Variants in DYNLT2 observed in about 807,000 individuals in gnomAD.
The protein encoded by DYNLT2 is dynein light chain Tctex-type protein 2.
DYNLT2 carries 24 observed loss-of-function variants against 24.3 expected under a neutral mutation model. The observed-to-expected ratio is 0.99, with a 90% CI of 0.71 to 1.39. DYNLT2 has a LOEUF of 1.39. DYNLT2 is among the 40% of genes most tolerant of loss of function. The pLI, the probability that DYNLT2 is intolerant of heterozygous loss-of-function variation, is 0.00. For missense variants in DYNLT2, 246 were observed against 234.5 expected (o/e 1.05, Z -0.32); for synonymous variants, 85 against 85.4 (o/e 1.00, Z 0.03).
intron 2 of DYNLT2, 57 bp downstream of exon 2, chr6:169,744,011 C>G (rs944405188): frequency 6.6e-7 from 1 of 1,507,774 alleles, no homozygotes; most frequent in African/African-American, 1.4e-5. Context: ...TATATAATTT[C>G]TGTTTCTCTG....
chr6:169,743,353 T>A (rs1396677619), intron 2 of DYNLT2, 115 bp from the exon 3 acceptor site: 1 of 437,896 alleles, frequency 2.3e-6, no homozygotes, highest in Non-Finnish European at 3.6e-6. Context: ...AAAATAAATA[T>A]ATTCCTAACT....
chr6:169,751,303 T>G (rs1790042617), intron 1 of DYNLT2, 36 bp downstream of exon 1: 1 of 1,601,704 alleles, frequency 6.2e-7, no homozygotes, highest in Non-Finnish European at 8.5e-7. Context: ...CGGTCGGACA[T>G]AGCCGTCTCG....
chr6:169,728,982 C>G, the DYNLT2 span, among the ~76,000 whole-genome samples: 1 of 152,200 alleles, frequency 6.6e-6, no homozygotes, highest in Admixed American at 6.5e-5. Context: ...ACTTTAATCT[C>G]TTAACATTAA....
chr6:169,742,654 A>G (rs1054386312), intron 3 of DYNLT2, among the ~76,000 whole-genome samples: 2 of 152,066 alleles, frequency 1.3e-5, no homozygotes, highest in Non-Finnish European at 2.9e-5. Flanking sequence ...GCTGGAGTGC[A>G]GTGGAGCGAA....
chr6:169,727,712 C>T, the DYNLT2 span, among the ~76,000 whole-genome samples: 6 of 151,876 alleles, frequency 4.0e-5, no homozygotes, highest in Non-Finnish European at 5.9e-5. Context: ...TACAGGTGCC[C>T]GCTACCACAC....
chr6:169,751,339 T>A lies in DYNLT2; in HGVS notation c.120A>T (p.Ala40=). 1 of 1,613,764 alleles carries A rather than the reference T, an allele frequency of 6.2e-7. No homozygotes were observed. The highest frequency in any genetic ancestry group is 8.5e-7 in the Non-Finnish European group (1 of 1,179,874). ...GGCCCCTAGCAGTCTCCGCACTCAC[T>A]GCCTCCTTCTCGAACATGCTAGGCC... The part of the protein sequence containing the change: ...ERRPSMFEKE[A]YTQILRERLR... The change falls in exon 1 of 4, where the codon GCA becomes GCT. Residue 40 remains alanine, a splice_region_variant and synonymous_variant. Coordinates refer to ENST00000366774, the MANE Select transcript of DYNLT2 (RefSeq NM_174910.3).
chr6:169,730,050 ATAAAGT>A, the DYNLT2 span, among the ~76,000 whole-genome samples: 2 of 152,268 alleles, frequency 1.3e-5, no homozygotes, highest in Non-Finnish European at 2.9e-5. Context: ...AATTCCTCAC[ATAAAGT>A]TAATATGCAA....
Position 169,751,402 on chromosome 6 carries a change from G to T in DYNLT2, c.57C>A (p.Thr19=). Residue 19 remains threonine (T), a synonymous_variant, in exon 1 of 4, where the codon ACC becomes ACA. Transcript: ENST00000366774. ...TAGGCGTCACCGGAGCCTGCTGAGG[G>T]GTCTGGTTCGGGGTCTGGATGGGGC... ...KSSPIQTPNQ[T]PQQAPVTPRK... 2 of 1,614,136 alleles carry T rather than the reference G, an allele frequency of 1.2e-6. No homozygotes were observed. The highest frequency in any genetic ancestry group is 1.7e-6 in the Non-Finnish European group (2 of 1,180,016).
At chr6:169,751,205 A>T (rs559322940) in intron 1 of DYNLT2, 134 bp downstream of exon 1, 1 of 1,387,660 alleles carries the variant, frequency 7.2e-7, no homozygotes, top group East Asian at 2.4e-5. Context: ...CATCTGGGGA[A>T]AAAAGAAACA....
At chr6:169,726,551 A>C in the DYNLT2 span, among the ~76,000 whole-genome samples, 1 of 152,226 alleles carries the variant, frequency 6.6e-6, no homozygotes, top group Non-Finnish European at 1.5e-5. Flanking sequence ...CTAGGAGTTA[A>C]GGATGAAATA....
downstream of DYNLT2, chr6:169,738,907 A>C (rs1469980489): frequency 6.6e-6 from 1 of 152,192 alleles, no homozygotes; most frequent in African/African-American, 2.4e-5. Context: ...CTCCATTTGG[A>C]TCTATTCAGG....
the DYNLT2 span, among the ~76,000 whole-genome samples, chr6:169,734,046 G>A: frequency 2.6e-5 from 4 of 152,080 alleles, no homozygotes; most frequent in Non-Finnish European, 4.4e-5. Flanking sequence ...TTTGTAGTGA[G>A]TGTGAATGGG....
chr6:169,740,854 G>A (rs1789663333), intron 3 of DYNLT2, among the ~76,000 whole-genome samples: 1 of 150,602 alleles, frequency 6.6e-6, no homozygotes, highest in Admixed American at 6.6e-5. Context: ...TATTTCCCAG[G>A]CTAGAGTGTA....
chr6:169,725,791 T>G, the DYNLT2 span: 1 of 152,826 alleles, frequency 6.5e-6, no homozygotes, highest in Admixed American at 6.5e-5. Flanking sequence ...TTGCCTGATA[T>G]AAAGAATTAG....
the DYNLT2 span, among the ~76,000 whole-genome samples, chr6:169,729,420 C>T: frequency 6.6e-6 from 1 of 152,018 alleles, no homozygotes; most frequent in African/African-American, 2.4e-5. Context: ...CTTTCTTGGC[C>T]AATTCCCTTT....
the DYNLT2 span, among the ~76,000 whole-genome samples, chr6:169,726,462 G>A: frequency 6.6e-6 from 1 of 152,210 alleles, no homozygotes; most frequent in South Asian, 2.1e-4. Context: ...CAAACAGGCT[G>A]AGGGGTGGGA....
At chr6:169,725,438 A>C in the DYNLT2 span, 1 of 397,610 alleles carries the variant, frequency 2.5e-6, no homozygotes, top group African/African-American at 2.1e-5. Context: ...CAGAGAGGTC[A>C]CCACTGACGA....
chr6:169,738,269 C>T (rs996789256), downstream of DYNLT2, among the ~76,000 whole-genome samples: 1 of 152,220 alleles, frequency 6.6e-6, no homozygotes, highest in African/African-American at 2.4e-5. Flanking sequence ...CTGCCCCTCC[C>T]ACAAGGAGTT....
chr6:169,744,341 T>C, intron 1 of DYNLT2, 67 bp from the exon 2 acceptor site: 1 of 1,387,564 alleles, frequency 7.2e-7, no homozygotes, highest in Non-Finnish European at 9.9e-7. Flanking sequence ...GTAAATGAGT[T>C]TTCAGATTAA....
Sources: gnomAD v4.1 joint callset for allele counts (sites outside exome capture counted in the v4.1 genomes callset) on GRCh38, gnomAD v4.1.1 for gene constraint, MANE v1.5 for transcripts, NCBI Gene and HGNC (gene_info 2026-07-23, HGNC 2026-07-21) for gene names.